The following ADAMTSL1 variants were observed in gnomAD, a reference collection of about 807,000 sequenced individuals.
The protein encoded by ADAMTSL1 is ADAMTS-like protein 1.
In ADAMTSL1, 126 loss-of-function variants were observed where a neutral mutation model predicts 201.8. That is an observed-to-expected ratio of 0.62 (90% CI 0.54 to 0.72). The LOEUF (loss-of-function observed/expected upper bound fraction) is 0.72, where lower values mean the gene tolerates loss of function less well. Ranked by LOEUF, ADAMTSL1 falls within the 30% of genes least tolerant of loss-of-function variation. The pLI is 0.00. For missense variants in ADAMTSL1, 2,679 were observed against 2,277.8 expected (o/e 1.18, Z -3.59); for synonymous variants, 1,121 against 903.4 (o/e 1.24, Z -4.32).
At chr9:18,459,634 C>T (rs887450352) in intron 2 of ADAMTSL1, among the ~76,000 whole-genome samples, 11 of 152,128 alleles carry the variant, frequency 7.2e-5, no homozygotes, top group African/African-American at 2.7e-4. Flanking sequence ...CTTAGTTAAT[C>T]AGACCCTTTG....
At chr9:18,103,086 A>G (rs1410740635) in intron 1 of ADAMTSL1, among the ~76,000 whole-genome samples, 1 of 152,186 alleles carries the variant, frequency 6.6e-6, no homozygotes, top group Non-Finnish European at 1.5e-5. Flanking sequence ...TTAGTGAGAA[A>G]TGATTTCTCT....
chr9:18,680,661 T>A (rs550760138), intron 11 of ADAMTSL1, 145 bp downstream of exon 11: 182 of 808,456 alleles, frequency 2.3e-4, no homozygotes, highest in Non-Finnish European at 1.4e-5. Context: ...GGAGTAGGAA[T>A]GCCCCAAATC....
chr9:18,449,699 A>G (rs1041356682), intron 2 of ADAMTSL1, among the ~76,000 whole-genome samples: 1 of 152,208 alleles, frequency 6.6e-6, no homozygotes, highest in South Asian at 2.1e-4. Flanking sequence ...AAATAACCCA[A>G]TAAAAATTAG....
At chr9:18,598,984 C>T (rs1824450515) in intron 4 of ADAMTSL1, among the ~76,000 whole-genome samples, 1 of 152,128 alleles carries the variant, frequency 6.6e-6, no homozygotes, top group South Asian at 2.1e-4. Context: ...TCATACTGTC[C>T]TCTCTGCCCC....
intron 1 of ADAMTSL1, among the ~76,000 whole-genome samples, chr9:17,962,824 G>A (rs754650117): frequency 2.0e-5 from 3 of 152,230 alleles, no homozygotes; most frequent in Admixed American, 6.5e-5. Flanking sequence ...TTTGCACAGC[G>A]TGCAGTTATT....
chr9:18,809,303 C>T (rs369071690), intron 20 of ADAMTSL1, among the ~76,000 whole-genome samples: 156 of 152,224 alleles, frequency 1.0e-3, no homozygotes, highest in Non-Finnish European at 1.8e-3. Context: ...CCTGAACGAC[C>T]GGAAGAGAGC....
intron 1 of ADAMTSL1, among the ~76,000 whole-genome samples, chr9:17,948,852 T>C (rs1364067212): frequency 6.6e-6 from 1 of 152,236 alleles, no homozygotes; most frequent in East Asian, 1.9e-4. Flanking sequence ...AAACCAAGAC[T>C]GTTTCTACCA....
At chr9:18,107,372 C>A (rs1305452199) in intron 1 of ADAMTSL1, among the ~76,000 whole-genome samples, 1 of 152,152 alleles carries the variant, frequency 6.6e-6, no homozygotes, top group Admixed American at 6.6e-5. Flanking sequence ...CTAGAATTCA[C>A]CTCTTCCTCC....
chr9:18,091,702 C>T (rs564635989), intron 1 of ADAMTSL1, among the ~76,000 whole-genome samples: 2 of 152,104 alleles, frequency 1.3e-5, no homozygotes, highest in East Asian at 1.9e-4. Context: ...TCACAGTGAA[C>T]TTATAGAGCA....
Position 18,497,062 on chromosome 9 carries a change from C to T in ADAMTSL1, c.64-7767C>T, listed in dbSNP as rs527877569. ...ACTGTTTTCCTTGGTGTTGGGCCTA[C>T]ATATTATTTTCCACTGGAGATTGGT... On this transcript the variant is annotated intron_variant, in intron 1 of 28. Transcript: ENST00000380548. Among the ~76,000 whole-genome samples, 4 of 152,268 alleles carry T rather than the reference C, an allele frequency of 2.6e-5. No individual in the cohort carries two copies. The South Asian group carries it at 8.3e-4, about 32-fold the overall frequency.
chr9:18,561,973 C>T (rs918827196), intron 3 of ADAMTSL1, among the ~76,000 whole-genome samples: 1 of 152,038 alleles, frequency 6.6e-6, no homozygotes, highest in Non-Finnish European at 1.5e-5. Flanking sequence ...GACTCTTTAT[C>T]CAGTTTGCCA....
chr9:17,993,473 C>G (rs2149920), intron 1 of ADAMTSL1, among the ~76,000 whole-genome samples: 27,584 of 151,912 alleles, frequency 0.18, 2,737 homozygotes, highest in African/African-American at 0.25. Flanking sequence ...CAGTTCTATT[C>G]AAATAGAAAT....
At chr9:18,384,091 G>A (rs372502489) in intron 2 of ADAMTSL1, among the ~76,000 whole-genome samples, 2 of 152,098 alleles carry the variant, frequency 1.3e-5, no homozygotes, top group Admixed American at 1.3e-4. Context: ...TGAGACCAGG[G>A]CTATAAAGAC....
At chr9:18,534,468 A>G (rs1819632410) in intron 3 of ADAMTSL1, among the ~76,000 whole-genome samples, 1 of 152,216 alleles carries the variant, frequency 6.6e-6, no homozygotes, top group South Asian at 2.1e-4. Context: ...CTTGAAAAGC[A>G]TTTGAAATTA....
intron 1 of ADAMTSL1, among the ~76,000 whole-genome samples, chr9:18,021,394 T>C (rs1387193381): frequency 3.9e-5 from 6 of 152,150 alleles, no homozygotes; most frequent in Admixed American, 1.3e-4. Context: ...ATAGCTTTAT[T>C]TTTCCTCTGT....
At chr9:18,295,934 T>C (rs1018030516) in intron 2 of ADAMTSL1, among the ~76,000 whole-genome samples, 4 of 152,216 alleles carry the variant, frequency 2.6e-5, no homozygotes. Context: ...AATTAAGTGA[T>C]ATTAAGTGAT....
intron 2 of ADAMTSL1, among the ~76,000 whole-genome samples, chr9:18,303,026 C>T (rs571996922): frequency 2.0e-5 from 3 of 152,092 alleles, no homozygotes; most frequent in Non-Finnish European, 4.4e-5. Flanking sequence ...TGCAGAGAAA[C>T]TCACGCTTTT....
chr9:17,927,101 C>T lies in ADAMTSL1; in HGVS notation c.87+20179C>T, dbSNP rs528783771. The stretch of plus-strand genomic sequence containing the variant: ...CCCCTGGCAACCACCATACTATGTT[C>T]TGTTTATGATTTTGACTGCTCTAGG... On this transcript the variant is annotated intron_variant, in intron 1 of 29. Transcript: ENST00000680146. Among the ~76,000 whole-genome samples the T allele has an allele frequency of 2.0e-5, 3 of 152,298 alleles. No homozygotes were observed. The East Asian group carries it at 5.8e-4, about 29-fold the overall frequency.
In ADAMTSL1 at chr9:18,555,772, G is replaced by A. The variant is rs1187430815; in HGVS notation, c.238-18258G>A. ...ACCATATTGGATCATGTCAGCCAGA[G>A]GAGTGAAACATTGAGAGAATGGCAA... On this transcript the variant is annotated intron_variant, in intron 3 of 28. Transcript: ENST00000380548. 2.0e-5 allele frequency among the ~76,000 whole-genome samples: 3 copies of A among 151,928 alleles called. No individual in the cohort carries two copies. In the East Asian group the frequency reaches 5.8e-4, roughly 29 times the overall value.
Sources: allele counts gnomAD v4.1 joint callset (sites outside exome capture counted in the v4.1 genomes callset), GRCh38; gene constraint gnomAD v4.1.1; transcripts MANE v1.5; gene names NCBI Gene and HGNC (gene_info 2026-07-23, HGNC 2026-07-21).